The following NPLOC4 variants were observed in gnomAD, a reference collection of about 807,000 sequenced individuals.
NPLOC4 encodes the protein nuclear protein localization protein 4 homolog.
In NPLOC4, 18 loss-of-function variants were observed where a neutral mutation model predicts 80.6. The ratio of observed to expected loss-of-function variants is 0.22; its 90% CI spans 0.15 to 0.33. The LOEUF is 0.33. NPLOC4 is among the 10% of genes least tolerant of loss of function. The pLI is 1.00. For missense variants in NPLOC4, 540 were observed against 786.1 expected (o/e 0.69, Z 3.74); for synonymous variants, 313 against 301.5 (o/e 1.04, Z -0.39).
Position 81,597,235 on chromosome 17 carries a change from T to C in NPLOC4, c.993+10A>G. ...ATAGGGCCACACGCACAGTCCTGTC[T>C]CCACCTCACCTTATTTCGACTGTAG... On this transcript the variant is annotated intron_variant, in intron 10 of 16. Transcript: ENST00000331134. 6.2e-7 allele frequency: 1 copy of C among 1,611,232 alleles called. No individual in the cohort carries two copies. The highest frequency in any genetic ancestry group is 8.5e-7 in the Non-Finnish European group (1 of 1,177,400).
intron 2 of NPLOC4, among the ~76,000 whole-genome samples, chr17:81,624,039 C>G (rs1195775730): frequency 6.6e-6 from 1 of 151,956 alleles, no homozygotes; most frequent in Non-Finnish European, 1.5e-5. Context: ...AATCCCAGCA[C>G]TTCGGGAGGC....
chr17:81,594,287 A>AAAAAAACAAAAC (rs2034833344), intron 11 of NPLOC4, among the ~76,000 whole-genome samples: 1 of 150,056 alleles, frequency 6.7e-6, no homozygotes, highest in African/African-American at 2.4e-5. Context: ...AAAAAAAAAA[A>AAAAAAACAAAAC]AAAAAAAAAA....
intron 3 of NPLOC4, among the ~76,000 whole-genome samples, chr17:81,614,961 C>A (rs1160252985): frequency 1.3e-5 from 2 of 152,178 alleles, no homozygotes; most frequent in Non-Finnish European, 2.9e-5. Context: ...GAGCAGAGGC[C>A]AAAGTGCAGG....
intron 12 of NPLOC4, among the ~76,000 whole-genome samples, chr17:81,576,826 G>A (rs2034314836): frequency 6.6e-6 from 1 of 152,182 alleles, no homozygotes; most frequent in Admixed American, 6.5e-5. Flanking sequence ...GCGGGGTCCT[G>A]GGCCTGCCTG....
chr17:81,582,240 G>A (rs1244125598), intron 12 of NPLOC4, among the ~76,000 whole-genome samples: 2 of 152,248 alleles, frequency 1.3e-5, no homozygotes, highest in African/African-American at 2.4e-5. Context: ...TAAGCGAGCT[G>A]TGGCATGACG....
In NPLOC4 at chr17:81,622,228, A is replaced by T; in HGVS notation, c.147T>A (p.Asn49Lys). The stretch of plus-strand genomic sequence containing the variant: ...CTGTTATCTCTCCGGTCTTGTTTCT[A>T]TTGATGTAAACCGAGAAGCCATTAT... ...FQNNGFSVYI[N>K]RNKTGEITAS... The change falls in exon 3 of 17, where the codon AAT (asparagine) becomes AAA (lysine). Residue 49 changes from asparagine (N) to lysine (K), a missense_variant. This residue lies in a region of NPLOC4 where 62 missense variants were observed against 84.4 expected (regional missense o/e 0.73). Coordinates refer to ENST00000331134, the MANE Select transcript of NPLOC4 (RefSeq NM_017921.4). The T allele has an allele frequency of 6.2e-7, 1 of 1,613,922 alleles. No individual in the cohort carries two copies. The highest frequency in any genetic ancestry group is 8.5e-7 in the Non-Finnish European group (1 of 1,179,834).
At chr17:81,619,898 G>A (rs1377503299) in intron 3 of NPLOC4, among the ~76,000 whole-genome samples, 1 of 151,794 alleles carries the variant, frequency 6.6e-6, no homozygotes, top group East Asian at 1.9e-4. Flanking sequence ...AAAAAGGTGG[G>A]GGTACAGCAC....
chr17:81,560,272 G>GC (rs1182303894), intron 16 of NPLOC4, among the ~76,000 whole-genome samples: 4 of 151,710 alleles, frequency 2.6e-5, no homozygotes, highest in African/African-American at 9.7e-5. Context: ...AATTAGCCAG[G>GC]CGTGGTGGTA....
chr17:81,591,447 G>GAAAAAAAAAAA lies in NPLOC4; in HGVS notation c.1121-2354_1121-2344dup, dbSNP rs71367067. ...AAGACTCCATCTCTGGAGTAAAACA[G>GAAAAAAAAAAA]AAAAAAAAAAAAAAAAAAAAAAAAA... is the stretch of plus-strand genomic sequence containing the variant. On this transcript the variant is annotated intron_variant, in intron 11 of 16. Transcript: ENST00000331134. Among the ~76,000 whole-genome samples the GAAAAAAAAAAA allele has an allele frequency of 2.6e-3, 199 of 76,268 alleles. 4 individuals are homozygous for GAAAAAAAAAAA. The highest frequency in any genetic ancestry group is 0.011 in the Middle Eastern group (1 of 90). 50.0% of individuals were successfully genotyped at this position (76,268 alleles called of 152,430 possible).
intron 1 of NPLOC4, among the ~76,000 whole-genome samples, chr17:81,634,589 C>CTT (rs34386430): frequency 1.2e-4 from 17 of 141,870 alleles, no homozygotes; most frequent in East Asian, 8.5e-4. Flanking sequence ...ATGATTAACA[C>CTT]TTTTTTTTTT....
intron 12 of NPLOC4, among the ~76,000 whole-genome samples, chr17:81,584,932 C>T (rs1241419345): frequency 1.3e-5 from 2 of 152,034 alleles, no homozygotes; most frequent in Admixed American, 6.5e-5. Flanking sequence ...TTTGGGAGGC[C>T]GAGGTGGGCA....
chr17:81,585,615 C>G (rs1049341175), intron 12 of NPLOC4, among the ~76,000 whole-genome samples: 1 of 147,124 alleles, frequency 6.8e-6, no homozygotes, highest in Non-Finnish European at 1.5e-5. Flanking sequence ...GAGCCGAGAT[C>G]AGGCCACTGC....
chr17:81,631,309 C>CCTT (rs2035919544), intron 1 of NPLOC4, among the ~76,000 whole-genome samples: 1 of 151,324 alleles, frequency 6.6e-6, no homozygotes, highest in Non-Finnish European at 1.5e-5. Flanking sequence ...CTTCAGGAGA[C>CCTT]CAAGGCAGGA....
rs377643942 is a variant in NPLOC4 at position 81,569,650 on chromosome 17, G to A, written c.1354-539C>T. Reference sequence around the variant, plus strand: ...TTCTGAATGCTGGGAGCCACTCCACGGAGCTGTGGGCTTTTCCAGGCAGGG... The same window carrying A: ...TTCTGAATGCTGGGAGCCACTCCACAGAGCTGTGGGCTTTTCCAGGCAGGG... On this transcript the variant is annotated intron_variant, in intron 13 of 16. Transcript: ENST00000331134. Among the ~76,000 whole-genome samples the A allele has an allele frequency of 3.3e-5, 5 of 152,316 alleles. No homozygotes were observed. In the South Asian group the frequency reaches 6.2e-4, roughly 19 times the overall value.
intron 11 of NPLOC4, among the ~76,000 whole-genome samples, 176 bp from the exon 12 acceptor site, chr17:81,589,280 C>G (rs941466479): frequency 6.6e-6 from 1 of 152,092 alleles, no homozygotes; most frequent in Non-Finnish European, 1.5e-5. Flanking sequence ...CCTGTAATCC[C>G]AGCACTTTGG....
intron 12 of NPLOC4, among the ~76,000 whole-genome samples, chr17:81,585,170 CAAAAAAAAAAAAA>C (rs35473939): frequency 7.3e-5 from 3 of 40,884 alleles, no homozygotes; most frequent in Admixed American, 9.1e-4. Flanking sequence ...ACTCTGTCGC[CAAAAAAAAAAAAA>C]AAAAAAAAAA....
chr17:81,560,456 C>G (rs574001424), intron 16 of NPLOC4: 2 of 152,258 alleles, frequency 1.3e-5, no homozygotes, highest in Non-Finnish European at 1.5e-5. Flanking sequence ...TGCCTGTAAT[C>G]CCAGCACTTT....
At chr17:81,569,550 T>C (rs1017615529) in intron 13 of NPLOC4, among the ~76,000 whole-genome samples, 1 of 152,210 alleles carries the variant, frequency 6.6e-6, no homozygotes, top group Non-Finnish European at 1.5e-5. Context: ...ATTCGTGTCA[T>C]TGGATTCGGA....
chr17:81,611,912 G>A (rs2035350110), intron 4 of NPLOC4, among the ~76,000 whole-genome samples: 2 of 148,174 alleles, frequency 1.3e-5, no homozygotes, highest in South Asian at 4.3e-4. Flanking sequence ...GTGAGCGGAC[G>A]TCGCGCCACT....
Sources: allele counts gnomAD v4.1 joint callset (sites outside exome capture counted in the v4.1 genomes callset), GRCh38; gene constraint gnomAD v4.1.1; regional missense constraint gnomAD v4.1.1; transcripts MANE v1.5; gene names NCBI Gene and HGNC (gene_info 2026-07-23, HGNC 2026-07-21).